The following MCPH1 variants were observed in gnomAD, a reference collection of about 807,000 sequenced individuals.
The protein encoded by MCPH1 is microcephalin.
In MCPH1, 104 loss-of-function variants were observed where a neutral mutation model predicts 84.5. The ratio of observed to expected loss-of-function variants is 1.23; its 90% confidence interval spans 1.05 to 1.45. The LOEUF is 1.45. MCPH1 is among the 40% of genes most tolerant of loss of function. MCPH1 has a pLI of 0.00. For synonymous variants in MCPH1, 514 were observed against 366.8 expected (o/e 1.40, Z -4.58); for missense variants, 1,498 against 1,005.7 (o/e 1.49, Z -6.62).
Position 6,647,497 on chromosome 8 carries a change from C to T in MCPH1, c.*4448C>T, listed in dbSNP as rs1306225352. ...TACAAATGTTCATAGCAACATTATT[C>T]ATAATAACCAAAAATTAGCCCATCA... On this transcript the variant is annotated 3_prime_UTR_variant, in exon 14 of 14. Transcript: ENST00000344683. The T allele has an allele frequency of 6.6e-6, 1 of 152,170 alleles. No individual in the cohort carries two copies. The highest frequency in any genetic ancestry group is 2.4e-5 in the African/African-American group (1 of 41,448). 9.4% of individuals were successfully genotyped at this position (152,170 alleles called of 1,614,324 possible).
Position 6,621,607 on chromosome 8 carries a change from C to T in MCPH1, c.2368C>T (p.Pro790Ser), listed in dbSNP as rs1586835974. The T allele has an allele frequency of 6.2e-7, 1 of 1,614,232 alleles. No homozygotes were observed. The highest frequency in any genetic ancestry group is 1.1e-5 in the South Asian group (1 of 91,086). The change falls in exon 13 of 14, where the codon CCC becomes TCC. Residue 790 changes from proline to serine, a missense_variant. Physicochemically the swap from Pro to Ser is moderately conservative, Grantham distance 74. Transcript: ENST00000344683. ...HLCGGRVSQV[P>S]RQASIVIGPY... ...GTGCGGAGGCCGGGTCAGCCAAGTC[C>T]CCCGCCAGGCCAGCATCGTCATCGG... is the stretch of plus-strand genomic sequence containing the variant.
chr8:6,444,363 A>T (rs1585803363), intron 7 of MCPH1, 30 bp from the exon 8 acceptor site: 4 of 1,613,460 alleles, frequency 2.5e-6, no homozygotes, highest in Non-Finnish European at 3.4e-6. Flanking sequence ...AACCACTTTT[A>T]AAAGTTAGCT....
chr8:6,480,679 C>T (rs556369433), intron 10 of MCPH1, 35 bp from the exon 11 acceptor site: 3 of 1,612,016 alleles, frequency 1.9e-6, no homozygotes, highest in African/African-American at 2.7e-5. Context: ...GCAACAAAGT[C>T]ATTCATTTTG....
rs578003827 is a variant in MCPH1, at chr8:6,409,033, C to T, written c.23-246C>T. The stretch of plus-strand genomic sequence containing the variant: ...CCCAGTAGCTGGGATTACAGGTGCC[C>T]GCCACCATGCTCGGCTAATTTTTTG... On this transcript the variant is annotated intron_variant, in intron 1 of 13. Transcript: ENST00000344683. Among the ~76,000 whole-genome samples the T allele has an allele frequency of 9.9e-5, 15 of 152,100 alleles. No homozygotes were observed. In the South Asian group the frequency reaches 1.2e-3, roughly 13 times the overall value.
chr8:6,445,574 C>T, intron 8 of MCPH1, 27 bp downstream of exon 8: 2 of 1,552,808 alleles, frequency 1.3e-6, no homozygotes, highest in African/African-American at 1.4e-5. Flanking sequence ...TTCCAAGTCA[C>T]CTTCGCTAAA....
At chr8:6,529,956 G>C (rs1819146882) in intron 12 of MCPH1, among the ~76,000 whole-genome samples, 1 of 151,556 alleles carries the variant, frequency 6.6e-6, no homozygotes, top group African/African-American at 2.4e-5. Context: ...ATAGGATGTA[G>C]CAAGGTTTGC....
At chr8:6,545,968 G>A (rs746391267) in intron 12 of MCPH1, among the ~76,000 whole-genome samples, 11 of 152,198 alleles carry the variant, frequency 7.2e-5, no homozygotes, top group Non-Finnish European at 1.3e-4. Context: ...GGGAAGTAGC[G>A]ATATTTGTGA....
At chr8:6,629,291 C>T (rs998724641) in intron 13 of MCPH1, among the ~76,000 whole-genome samples, 12 of 152,168 alleles carry the variant, frequency 7.9e-5, no homozygotes, top group South Asian at 4.2e-4. Flanking sequence ...GGTGAAACCC[C>T]GTCTCTACTA....
intron 12 of MCPH1, among the ~76,000 whole-genome samples, chr8:6,611,197 A>C (rs191367468): frequency 6.6e-6 from 1 of 152,270 alleles, no homozygotes; most frequent in Admixed American, 6.5e-5. Context: ...TTCATGCCAA[A>C]CAATTCTGCA....
intron 9 of MCPH1, chr8:6,473,843 C>A: frequency 7.0e-7 from 1 of 1,419,746 alleles, no homozygotes; most frequent in South Asian, 1.5e-5. Flanking sequence ...CCTTATAAGT[C>A]AAGAGTTATA....
At chr8:6,459,496 C>G (rs907292457) in intron 9 of MCPH1, among the ~76,000 whole-genome samples, 1 of 152,032 alleles carries the variant, frequency 6.6e-6, no homozygotes, top group Non-Finnish European at 1.5e-5. Context: ...TTTCTATTTC[C>G]TAAAGAAAAC....
In MCPH1 at chr8:6,522,241, G is replaced by T. The variant is rs1056588599; in HGVS notation, c.2214+22312G>T. ...GTGGTGGCGGGCGCCTGTAGTCACAGCTACTCTGGAGGCTGAGGCAGGAGA... is the reference window on the plus strand; with the variant it reads ...GTGGTGGCGGGCGCCTGTAGTCACATCTACTCTGGAGGCTGAGGCAGGAGA... On this transcript the variant is annotated intron_variant, in intron 12 of 13. Transcript: ENST00000344683. Among the ~76,000 whole-genome samples, 3 of 152,090 alleles carry T rather than the reference G, an allele frequency of 2.0e-5. No homozygotes were observed. The East Asian group carries it at 5.8e-4, about 29-fold the overall frequency.
At chr8:6,488,769 G>A (rs1378515380) in intron 11 of MCPH1, among the ~76,000 whole-genome samples, 1 of 152,230 alleles carries the variant, frequency 6.6e-6, no homozygotes, top group African/African-American at 2.4e-5. Context: ...CAGAGTGGCA[G>A]CTTTTGTCTC....
At chr8:6,524,055 A>C (rs1394070732) in intron 12 of MCPH1, among the ~76,000 whole-genome samples, 1 of 152,212 alleles carries the variant, frequency 6.6e-6, no homozygotes, top group Non-Finnish European at 1.5e-5. Flanking sequence ...AAAGCTTTCA[A>C]AATATAGACA....
At chr8:6,622,463 G>C (rs2129580897) in intron 13 of MCPH1, among the ~76,000 whole-genome samples, 1 of 152,356 alleles carries the variant, frequency 6.6e-6, no homozygotes, top group Admixed American at 6.5e-5. Flanking sequence ...TACCTGCCCT[G>C]TGGTGGAGTC....
At position 6,421,634 on chromosome 8, in the gene MCPH1, C is replaced by T. The variant is rs560145805; in HGVS notation, c.233+6751C>T. 1.8e-4 allele frequency among the ~76,000 whole-genome samples: 28 copies of T among 152,232 alleles called. No individual in the cohort carries two copies. In the South Asian group the frequency reaches 5.0e-3, roughly 27 times the overall value. On this transcript the variant is annotated intron_variant, in intron 3 of 13. Coordinates refer to ENST00000344683, the MANE Select transcript of MCPH1 (RefSeq NM_024596.5). ...ATCCATAAATACCGTTTTATTGGAA[C>T]ACAGGCATGTTCATCTGACGATGTA...
intron 13 of MCPH1, chr8:6,626,790 G>C (rs1445615648): frequency 1.6e-5 from 16 of 985,186 alleles, no homozygotes; most frequent in Non-Finnish European, 1.8e-5. Context: ...TCAAGGGTCT[G>C]CGACATTTGT....
At chr8:6,497,435 G>A (rs1398652022) in intron 11 of MCPH1, among the ~76,000 whole-genome samples, 5 of 152,136 alleles carry the variant, frequency 3.3e-5, no homozygotes, top group Non-Finnish European at 4.4e-5. Flanking sequence ...CCTGGGAGAC[G>A]ATGCTGCAGT....
At chr8:6,507,047 G>A (rs1303717560) in intron 12 of MCPH1, among the ~76,000 whole-genome samples, 2 of 151,976 alleles carry the variant, frequency 1.3e-5, no homozygotes, top group South Asian at 4.1e-4. Flanking sequence ...ACAGGCGTAT[G>A]CCACCACGCC....
Sources: allele counts gnomAD v4.1 joint callset (sites outside exome capture counted in the v4.1 genomes callset), GRCh38; gene constraint gnomAD v4.1.1; transcripts MANE v1.5; gene names NCBI Gene and HGNC (gene_info 2026-07-23, HGNC 2026-07-21).